The following PSD4 variants were observed in gnomAD, a reference collection of about 807,000 sequenced individuals.
PSD4 encodes the protein pleckstrin and Sec7 domain containing 4.
PSD4 carries 59 observed loss-of-function variants against 112.5 expected under a neutral mutation model. The observed-to-expected ratio is 0.52, with a 90% CI of 0.43 to 0.65. The LOEUF is 0.65. Ranked by LOEUF, PSD4 falls within the 30% of genes least tolerant of loss-of-function variation. The probability of loss-of-function intolerance (pLI) is 0.00; values close to 1 mark genes in which losing one functional copy is unlikely to be tolerated. For synonymous variants in PSD4, 533 were observed against 540.0 expected (o/e 0.99, Z 0.18); for missense variants, 1,267 against 1,352.6 (o/e 0.94, Z 0.99).
Position 113,195,744 on chromosome 2 carries a change from C to G in PSD4, c.2199C>G (p.Ile733Met), listed in dbSNP as rs200192135. ...TGTTCCAGGCCCTCTACTGGTCTAT[C>G]CGCAGCGAGAAGCTCGAGTGGGCCG... ...KELLKALYWS[I>M]RSEKLEWAVD... is the part of the protein sequence containing the mutation. The change falls in exon 11 of 17, where the codon ATC becomes ATG. Residue 733 changes from isoleucine to methionine, a missense_variant. Around this residue, in one of 2 missense-constraint regions of PSD4, gnomAD observed 544 missense variants for 648.6 expected, o/e 0.84. Coordinates refer to ENST00000245796, the MANE Select transcript of PSD4 (RefSeq NM_012455.3). The G allele has an allele frequency of 4.5e-5, 72 of 1,614,096 alleles. No individual in the cohort carries two copies. The highest frequency in any genetic ancestry group is 5.8e-5 in the Non-Finnish European group (68 of 1,180,044).
intron 1 of PSD4, among the ~76,000 whole-genome samples, chr2:113,177,618 A>G (rs1037977593): frequency 6.6e-6 from 1 of 152,212 alleles, no homozygotes; most frequent in African/African-American, 2.4e-5. Context: ...AATCCACTTG[A>G]ACTAAACCCC....
rs1688878952 is a variant in PSD4 at position 113,207,449 on chromosome 2, C to CTTT, written c.*6035_*6036insTTT. 1 of 70,886 alleles carries CTTT rather than the reference C, an allele frequency of 1.4e-5. No homozygotes were observed. Among genetic ancestry groups the CTTT allele is most frequent in the Non-Finnish European group, 2.6e-5 (1 of 38,608 alleles). The allele number at this position is 70,886 out of a possible 1,614,324, so 4.4% of individuals were successfully genotyped here. The stretch of plus-strand genomic sequence containing the variant: ...CTCTGTAACTCTCCTCTCCTCTCTC[C>CTTT]TCTTCTTTTTTTTTTTTTTTTTTTT... On this transcript the variant is annotated 3_prime_UTR_variant, in exon 17 of 17. Coordinates refer to ENST00000245796, the MANE Select transcript of PSD4 (RefSeq NM_012455.3).
Position 113,193,557 on chromosome 2 carries a change from T to C in PSD4, c.2033-35T>C, listed in dbSNP as rs550931919. 2.0e-5 allele frequency: 32 copies of C among 1,594,622 alleles called. No homozygotes were observed. The South Asian group carries it at 2.5e-4, about 13-fold the overall frequency. On this transcript the variant is annotated intron_variant, in intron 8 of 16. Transcript: ENST00000245796. ...GAGGAAACAGGAGCCCTGGTTCCAA[T>C]GAGCTTTCTCTCCACTTACCTATCT...
chr2:113,181,358 T>C (rs926467751), intron 1 of PSD4, among the ~76,000 whole-genome samples: 2 of 152,114 alleles, frequency 1.3e-5, no homozygotes, highest in Admixed American at 6.5e-5. Context: ...AGCTTCACAG[T>C]GTGCTTTGGA....
In PSD4 at chr2:113,198,788, G is replaced by A. The variant is rs145321205; in HGVS notation, c.2673G>A (p.Ala891=). 5 of 1,587,096 alleles carry A rather than the reference G, an allele frequency of 3.2e-6. No homozygotes were observed. The highest frequency in any genetic ancestry group is 1.7e-5 in the Admixed American group (1 of 59,392). The part of the protein sequence containing the change: ...SSWIARINLA[A]ATHSAPPFPA... ...GGATCGCGCGCATCAACTTGGCTGC[G>A]GCCACGCACTCCGCGCCGCCCTTCC... Residue 891 remains alanine, a synonymous_variant, in exon 15 of 17, where the codon GCG becomes GCA. Coordinates refer to ENST00000245796, the MANE Select transcript of PSD4 (RefSeq NM_012455.3).
Position 113,182,243 on chromosome 2 carries a change from G to A in PSD4, c.-111-103G>A, listed in dbSNP as rs555845937. 82 of 545,792 alleles carry A rather than the reference G, an allele frequency of 1.5e-4. No homozygotes were observed. The East Asian group carries it at 2.2e-3, about 15-fold the overall frequency. 33.8% of individuals were successfully genotyped at this position (545,792 alleles called of 1,614,324 possible). A position where few individuals can be genotyped will look rare whatever the true frequency, so the allele number is the denominator to read the frequency against. On this transcript the variant is annotated intron_variant, in intron 1 of 16. Coordinates refer to ENST00000245796, the MANE Select transcript of PSD4 (RefSeq NM_012455.3). ...GGAGGGCAGTGCTAAGGAGCAGCAG[G>A]CATAGATGGGGAAGACACTCCAAAC...
intron 1 of PSD4, among the ~76,000 whole-genome samples, chr2:113,176,814 C>T (rs1196916232): frequency 6.6e-6 from 1 of 152,218 alleles, no homozygotes; most frequent in Admixed American, 6.5e-5. Flanking sequence ...TGGCCTGCCT[C>T]TGCCTAGAGG....
rs1342999251 is a variant in PSD4, at chr2:113,195,807, CT to C, written c.2225+38del. On this transcript the variant is annotated intron_variant, in intron 11 of 16. Transcript: ENST00000245796. ...TCCCTTTCCCCTCTCCCTCTCACCC[CT>C]CTCCCCTGTCTTTGGACTGTCCTCC... The C allele has an allele frequency of 2.5e-6, 4 of 1,613,190 alleles. No homozygotes were observed. The African/African-American group carries it at 5.3e-5, about 22-fold the overall frequency.
chr2:113,196,215 C>G lies in PSD4; in HGVS notation c.2294C>G (p.Pro765Arg), dbSNP rs1688606587. Reference protein sequence around the residue: ...PSLPAGKMSKPFLQLAQDPTV... With the variant: ...PSLPAGKMSKRFLQLAQDPTV... ...CTGCCAGCTGGCAAGATGAGCAAGCCCTTCCTTCAGCTGGCTCAGGATCCC... is the reference window on the plus strand; with the variant it reads ...CTGCCAGCTGGCAAGATGAGCAAGCGCTTCCTTCAGCTGGCTCAGGATCCC... Residue 765 changes from proline (P) to arginine (R), a missense_variant, in exon 12 of 17, where the codon CCC (proline) becomes CGC (arginine). By Grantham distance (103) the Pro-to-Arg change is moderately radical (BLOSUM62 -2). Coordinates refer to ENST00000245796, the MANE Select transcript of PSD4 (RefSeq NM_012455.3). 6.2e-7 allele frequency: 1 copy of G among 1,614,008 alleles called. No individual in the cohort carries two copies. The highest frequency in any genetic ancestry group is 8.5e-7 in the Non-Finnish European group (1 of 1,179,974).
intron 15 of PSD4, 78 bp from the exon 16 acceptor site, chr2:113,199,004 AG>A (rs1558658758): frequency 2.0e-6 from 3 of 1,509,690 alleles, no homozygotes; most frequent in African/African-American, 1.4e-5. Context: ...CGAGGCGGCC[AG>A]GGGGGCGGCG....
At chr2:113,180,878 C>A (rs1482445632) in intron 1 of PSD4, among the ~76,000 whole-genome samples, 1 of 152,136 alleles carries the variant, frequency 6.6e-6, no homozygotes, top group South Asian at 2.1e-4. Context: ...CGTAAGCCTT[C>A]AAGATAGAAA....
rs1217247415 is a variant in PSD4 at position 113,201,354 on chromosome 2, A to G, written c.3110A>G (p.Asn1037Ser). The G allele has an allele frequency of 6.2e-7, 1 of 1,614,070 alleles. No homozygotes were observed. Among genetic ancestry groups the G allele is most frequent in the African/African-American group, 1.3e-5 (1 of 74,930 alleles). ...CCCACCACGGCCAAGGTGAAGCGCA[A>G]CATCTCAGAGCGCAGAACCTACCGG... ...EAPTTAKVKR[N>S]ISERRTYRKI... Residue 1037 changes from asparagine (N) to serine (S), a missense_variant, in exon 17 of 17, where the codon AAC becomes AGC. Asn to Ser is a conservative substitution (Grantham distance 46). Transcript: ENST00000245796.
chr2:113,183,015 T>C lies in PSD4; in HGVS notation c.559T>C (p.Cys187Arg). The C allele has an allele frequency of 1.2e-6, 2 of 1,614,060 alleles. No individual in the cohort carries two copies. Among genetic ancestry groups the C allele is most frequent in the South Asian group, 2.2e-5 (2 of 91,086 alleles). The stretch of plus-strand genomic sequence containing the variant: ...AGGGCTCAAGGCTGGGCTGAAATGC[T>C]GTCTCCCCACGCCCCCTGTGGACCT... Reference protein sequence around the residue: ...TEGLKAGLKCCLPTPPVDLPG... With the variant: ...TEGLKAGLKCRLPTPPVDLPG... The change falls in exon 2 of 17, where the codon TGT (cysteine) becomes CGT (arginine). Residue 187 changes from cysteine (C) to arginine (R), a missense_variant. This residue lies in a region of PSD4 where 723 missense variants were observed against 704.0 expected (regional missense o/e 1.03). Transcript: ENST00000245796.
chr2:113,198,016 T>C, intron 14 of PSD4, 103 bp downstream of exon 14: 1 of 1,273,246 alleles, frequency 7.9e-7, no homozygotes, highest in East Asian at 2.7e-5. Flanking sequence ...CAGGGGGTCC[T>C]GGTGGGAATG....
intron 5 of PSD4, 23 bp from the exon 6 acceptor site, chr2:113,192,357 A>C (rs755401278): frequency 3.1e-6 from 5 of 1,608,594 alleles, no homozygotes; most frequent in Middle Eastern, 1.6e-4. Context: ...CTTGACCCAG[A>C]GCTCCTGCAT....
intron 10 of PSD4, 42 bp from the exon 11 acceptor site, chr2:113,195,685 A>C: frequency 6.2e-7 from 1 of 1,613,222 alleles, no homozygotes; most frequent in Non-Finnish European, 8.5e-7. Flanking sequence ...TAGGCTCCAC[A>C]GCCCTGAGGC....
rs753253092 is a variant in PSD4, at chr2:113,192,363, T to G, written c.1629-17T>G. On this transcript the variant is annotated splice_polypyrimidine_tract_variant and intron_variant, in intron 5 of 16. Transcript: ENST00000245796. ...GCAAGAACACTTGACCCAGAGCTCC[T>G]GCATGTCTATCTCAAGTGAGAATCT... The G allele has an allele frequency of 6.2e-7, 1 of 1,611,900 alleles. No homozygotes were observed. The highest frequency in any genetic ancestry group is 8.5e-7 in the Non-Finnish European group (1 of 1,178,122).
At position 113,183,381 on chromosome 2, in the gene PSD4, G is replaced by A. The variant is rs145682231; in HGVS notation, c.925G>A (p.Gly309Ser). The A allele has an allele frequency of 1.8e-4, 279 of 1,577,374 alleles. No homozygotes were observed. The African/African-American group carries it at 2.8e-3, about 16-fold the overall frequency. The change falls in exon 2 of 17, where the codon GGC (glycine) becomes AGC (serine). Residue 309 changes from glycine (G) to serine (S), a missense_variant. This residue lies in a region of PSD4 where 723 missense variants were observed against 704.0 expected (regional missense o/e 1.03). Transcript: ENST00000245796. ...ELESEPDLGD[G>S]AAISGHCTPP... Reference sequence around the variant, plus strand: ...GGAAAGTGAGCCAGATTTGGGGGACGGCGCTGCTATCAGTGGGCATTGTAC... The same window carrying A: ...GGAAAGTGAGCCAGATTTGGGGGACAGCGCTGCTATCAGTGGGCATTGTAC...
chr2:113,198,986 C>G, intron 15 of PSD4, 97 bp from the exon 16 acceptor site: 1 of 1,524,282 alleles, frequency 6.6e-7, no homozygotes, highest in South Asian at 1.2e-5. Context: ...CGCACTTGGC[C>G]TGGGAACCGA....
Sources: allele counts gnomAD v4.1 joint callset (sites outside exome capture counted in the v4.1 genomes callset), GRCh38; gene constraint gnomAD v4.1.1; regional missense constraint gnomAD v4.1.1; transcripts MANE v1.5; gene names NCBI Gene and HGNC (gene_info 2026-07-23, HGNC 2026-07-21).